The following GPHN variants were observed in gnomAD, a reference collection of about 807,000 sequenced individuals.
GPHN encodes gephyrin.
A neutral mutation model predicts 95.5 loss-of-function variants in GPHN; 17 were observed. The ratio of observed to expected loss-of-function variants is 0.18; its 90% CI spans 0.12 to 0.27. The LOEUF (loss-of-function observed/expected upper bound fraction) is 0.27. Ranked by LOEUF, GPHN falls within the 10% of genes least tolerant of loss-of-function variation. The pLI is 1.00. For synonymous variants in GPHN, 320 were observed against 322.5 expected, an observed-to-expected ratio of 0.99 and a Z score of 0.08; for missense variants, 660 against 978.1, an observed-to-expected ratio of 0.67 and a Z score of 4.34.
the GPHN span, among the ~76,000 whole-genome samples, chr14:67,709,348 A>G: frequency 4.6e-5 from 7 of 152,360 alleles, no homozygotes; most frequent in Middle Eastern, 3.4e-3. Context: ...CATGAAGCCA[A>G]TTAAATTCAT....
chr14:66,770,663 C>G (rs1036190066), intron 2 of GPHN, among the ~76,000 whole-genome samples: 1 of 152,232 alleles, frequency 6.6e-6, no homozygotes, highest in East Asian at 1.9e-4. Context: ...CCATGAAACA[C>G]TGATATTCCA....
At chr14:67,295,595 A>G in the GPHN span, among the ~76,000 whole-genome samples, 1 of 152,176 alleles carries the variant, frequency 6.6e-6, no homozygotes. Flanking sequence ...AATGGCCAAT[A>G]GCAATGAAAA....
At chr14:66,721,771 T>A (rs939323307) in intron 2 of GPHN, among the ~76,000 whole-genome samples, 19 of 152,010 alleles carry the variant, frequency 1.2e-4, no homozygotes, top group African/African-American at 2.4e-5. Context: ...GCCAACATGA[T>A]GAAACCTCGT....
chr14:66,993,314 A>G (rs147137930), intron 9 of GPHN, among the ~76,000 whole-genome samples: 80 of 152,248 alleles, frequency 5.3e-4, no homozygotes, highest in Non-Finnish European at 9.1e-4. Context: ...ATGTGGATAG[A>G]ATATAGATTA....
chr14:67,488,589 G>A, the GPHN span: 2 of 152,440 alleles, frequency 1.3e-5, no homozygotes, highest in African/African-American at 4.8e-5. Flanking sequence ...TTTTAACGGA[G>A]CATGTCCGAA....
chr14:66,787,061 A>T (rs547749286), intron 3 of GPHN, among the ~76,000 whole-genome samples: 1 of 152,308 alleles, frequency 6.6e-6, no homozygotes, highest in Admixed American at 6.5e-5. Context: ...TAGATTAGAA[A>T]GTAAGAAATA....
intron 2 of GPHN, among the ~76,000 whole-genome samples, chr14:66,715,313 CAGTTGT>C (rs2070069203): frequency 6.6e-6 from 1 of 152,040 alleles, no homozygotes; most frequent in East Asian, 1.9e-4. Context: ...TCTGTGGTGT[CAGTTGT>C]AGTATCTCCC....
chr14:67,587,350 G>A, the GPHN span: 4 of 1,180,042 alleles, frequency 3.4e-6, no homozygotes, highest in South Asian at 5.0e-5. Context: ...CTCTTGTTCT[G>A]TGAAATGTGT....
chr14:67,456,806 C>T, the GPHN span, among the ~76,000 whole-genome samples: 1 of 152,132 alleles, frequency 6.6e-6, no homozygotes, highest in African/African-American at 2.4e-5. Flanking sequence ...ATAAATTGTT[C>T]TACCCTAAAG....
At chr14:67,585,376 G>A in the GPHN span, 1 of 567,456 alleles carries the variant, frequency 1.8e-6, no homozygotes, top group East Asian at 3.0e-5. Flanking sequence ...CCAAGGCCAA[G>A]GGTCTCCTGT....
chr14:66,580,999 G>T (rs777840615), intron 1 of GPHN, among the ~76,000 whole-genome samples: 28 of 151,788 alleles, frequency 1.8e-4, no homozygotes, highest in Non-Finnish European at 3.0e-5. Context: ...ATTTATGTCT[G>T]TGGTTCAACA....
chr14:66,649,199 T>C (rs143860705), intron 1 of GPHN, among the ~76,000 whole-genome samples: 2,033 of 152,122 alleles, frequency 0.013, 24 homozygotes, highest in Middle Eastern at 0.02. Context: ...CAGGGCGTGG[T>C]GGCGTGCGCC....
the GPHN span, among the ~76,000 whole-genome samples, chr14:67,209,481 A>T: frequency 6.6e-5 from 10 of 152,300 alleles, no homozygotes; most frequent in African/African-American, 1.9e-4. Context: ...AAATCATTTT[A>T]AAAAAATAAA....
At chr14:67,486,055 C>T in the GPHN span, among the ~76,000 whole-genome samples, 3 of 152,244 alleles carry the variant, frequency 2.0e-5, no homozygotes, top group Non-Finnish European at 2.9e-5. Flanking sequence ...GATCTGAAGC[C>T]TGACGGCCAA....
the GPHN span, among the ~76,000 whole-genome samples, chr14:67,213,095 G>GTTT: frequency 0.027 from 3,612 of 135,640 alleles, 153 homozygotes; most frequent in African/African-American, 0.09. Context: ...ATTCTGTGGT[G>GTTT]TTTTTTTTTT....
chr14:67,057,207 GC>G lies in GPHN; in HGVS notation c.1007-1441del, dbSNP rs1448942970. Among the ~76,000 whole-genome samples, 3 of 152,328 alleles carry G rather than the reference GC, an allele frequency of 2.0e-5. No homozygotes were observed. In the East Asian group the frequency reaches 5.8e-4, roughly 29 times the overall value. ...AAGGAGGTGCCAAGAGTGAGTGGGG[GC>G]TGCTAGCATATTGTCACCTCTCACC... is the stretch of plus-strand genomic sequence containing the variant. On this transcript the variant is annotated intron_variant, in intron 10 of 22. Transcript: ENST00000478722.
intron 2 of GPHN, among the ~76,000 whole-genome samples, chr14:66,681,570 TA>T (rs1292697640): frequency 6.6e-6 from 1 of 152,122 alleles, no homozygotes; most frequent in Non-Finnish European, 1.5e-5. Context: ...ATTAGAAATA[TA>T]AAGTAGTTAT....
the GPHN span, among the ~76,000 whole-genome samples, chr14:67,399,040 G>T: frequency 6.6e-6 from 1 of 152,182 alleles, no homozygotes; most frequent in Non-Finnish European, 1.5e-5. Flanking sequence ...ATTTTGACCT[G>T]CATCTGCTTT....
chr14:67,339,487 T>A, the GPHN span, among the ~76,000 whole-genome samples: 48 of 152,200 alleles, frequency 3.2e-4, no homozygotes, highest in African/African-American at 1.1e-3. Flanking sequence ...CCCCCATGCC[T>A]TTCCTAAATA....
Sources: allele counts gnomAD v4.1 joint callset (sites outside exome capture counted in the v4.1 genomes callset), GRCh38; gene constraint gnomAD v4.1.1; transcripts MANE v1.5; gene names NCBI Gene and HGNC (gene_info 2026-07-23, HGNC 2026-07-21).